The following SLC25A37 variants were observed in gnomAD, a reference collection of about 807,000 sequenced individuals.
SLC25A37 encodes the protein solute carrier family 25 member 37, also known as mitoferrin-1.
In SLC25A37, 17 loss-of-function variants were observed where a neutral mutation model predicts 31.0. The observed-to-expected ratio is 0.55, with a 90% CI of 0.38 to 0.82. The LOEUF is 0.82. SLC25A37 is among the 40% of genes least tolerant of loss of function. The pLI is 0.00. For synonymous variants in SLC25A37, 222 were observed against 193.0 expected (o/e 1.15, Z -1.24); for missense variants, 404 against 465.8 (o/e 0.87, Z 1.22).
At position 23,571,945 on chromosome 8, in the gene SLC25A37, T is replaced by TTC; in HGVS notation, c.*90_*91insTC. On this transcript the variant is annotated 3_prime_UTR_variant, in exon 4 of 4. Coordinates refer to ENST00000519973, the MANE Select transcript of SLC25A37 (RefSeq NM_016612.4). ...CCTCACACGTAGATCATTTTTTTTT[T>TTC]GCAGGGTGCTGCCTATGGGCCCTCT... 7.0e-7 allele frequency: 1 copy of TTC among 1,426,766 alleles called. No individual in the cohort carries two copies. The highest frequency in any genetic ancestry group is 9.5e-7 in the Non-Finnish European group (1 of 1,050,450). The allele number at this position is 1,426,766 out of a possible 1,614,324, so 88.4% of individuals were successfully genotyped here. A position where few individuals can be genotyped will look rare whatever the true frequency, so the allele number is the denominator to read the frequency against.
intron 1 of SLC25A37, among the ~76,000 whole-genome samples, chr8:23,564,247 C>T (rs1802590325): frequency 6.6e-6 from 1 of 152,032 alleles, no homozygotes. Context: ...ACCACTAATT[C>T]AGGTGATTGG....
At chr8:23,557,207 C>G (rs1192722562) in intron 1 of SLC25A37, among the ~76,000 whole-genome samples, 1 of 152,120 alleles carries the variant, frequency 6.6e-6, no homozygotes, top group Non-Finnish European at 1.5e-5. Flanking sequence ...CTATCCAAAG[C>G]CCTGTTAAGA....
intron 3 of SLC25A37, 42 bp from the exon 4 acceptor site, chr8:23,571,293 C>G: frequency 6.7e-7 from 1 of 1,492,660 alleles, no homozygotes; most frequent in Non-Finnish European, 8.9e-7. Context: ...ACCCACTGCC[C>G]ACTGGCTGTC....
intron 1 of SLC25A37, among the ~76,000 whole-genome samples, chr8:23,564,465 G>C (rs545204654): frequency 4.6e-4 from 70 of 151,192 alleles, no homozygotes; most frequent in African/African-American, 1.6e-3. Context: ...TGTGTGTTGG[G>C]GGGGAGTGGG....
At chr8:23,555,106 C>G (rs778807460) in intron 1 of SLC25A37, among the ~76,000 whole-genome samples, 1 of 152,176 alleles carries the variant, frequency 6.6e-6, no homozygotes, top group Non-Finnish European at 1.5e-5. Flanking sequence ...CTACCCTCAC[C>G]TGACTGCTGT....
intron 2 of SLC25A37, 87 bp downstream of exon 2, chr8:23,566,423 C>T (rs1802658866): frequency 3.3e-6 from 5 of 1,510,310 alleles, no homozygotes; most frequent in Non-Finnish European, 4.4e-6. Flanking sequence ...GACCCAGCCG[C>T]CTCGACTTCG....
chr8:23,534,702 T>G (rs1391748526), intron 1 of SLC25A37, among the ~76,000 whole-genome samples: 2 of 152,160 alleles, frequency 1.3e-5, no homozygotes, highest in Non-Finnish European at 2.9e-5. Flanking sequence ...TTCTTAACCT[T>G]TCTGTGCTAT....
intron 1 of SLC25A37, among the ~76,000 whole-genome samples, chr8:23,538,946 A>G (rs1801833472): frequency 6.6e-6 from 1 of 152,016 alleles, no homozygotes; most frequent in African/African-American, 2.4e-5. Flanking sequence ...CCTGCGAGAG[A>G]CAGTGGTCCT....
At chr8:23,543,138 A>C (rs1425250789) in intron 1 of SLC25A37, 1 of 151,892 alleles carries the variant, frequency 6.6e-6, no homozygotes, top group Admixed American at 6.6e-5. Flanking sequence ...TTGAGATCAT[A>C]GTTTACTGCA....
chr8:23,540,288 C>T (rs1362778920), intron 1 of SLC25A37, among the ~76,000 whole-genome samples: 2 of 152,144 alleles, frequency 1.3e-5, no homozygotes, highest in Non-Finnish European at 2.9e-5. Flanking sequence ...TGGAGCAAGC[C>T]AGTAGGATGT....
At chr8:23,568,537 G>A (rs573399084) in intron 3 of SLC25A37, 159 bp downstream of exon 3, 9 of 781,554 alleles carry the variant, frequency 1.2e-5, no homozygotes, top group African/African-American at 1.0e-4. Flanking sequence ...GTTATCAAAG[G>A]CCTCAAGAAA....
intron 2 of SLC25A37, chr8:23,568,075 C>A: frequency 1.8e-6 from 1 of 550,870 alleles, no homozygotes. Context: ...GGGTTGACTA[C>A]AAGAAAGAAA....
chr8:23,571,754 G>A lies in SLC25A37; in HGVS notation c.916G>A (p.Val306Ile), dbSNP rs1188917601. The A allele has an allele frequency of 6.2e-7, 1 of 1,614,042 alleles. No homozygotes were observed. The highest frequency in any genetic ancestry group is 1.1e-5 in the South Asian group (1 of 91,082). Residue 306 changes from valine (V) to isoleucine (I), a missense_variant, in exon 4 of 4, where the codon GTC (valine) becomes ATC (isoleucine). Transcript: ENST00000519973. ...AGYFKGIQAR[V>I]IYQMPSTAIS... ...CTACTTCAAAGGCATCCAGGCGCGT[G>A]TCATCTACCAGATGCCCTCCACCGC...
intron 3 of SLC25A37, 130 bp from the exon 4 acceptor site, chr8:23,571,205 C>T: frequency 2.7e-6 from 3 of 1,122,552 alleles, no homozygotes; most frequent in Non-Finnish European, 3.7e-6. Context: ...TGCTGGCTCT[C>T]GCCTGTTTCC....
chr8:23,567,956 G>A, intron 2 of SLC25A37: 3 of 333,922 alleles, frequency 9.0e-6, no homozygotes, highest in Non-Finnish European at 1.8e-5. Flanking sequence ...GTGAGTTAAT[G>A]TGTAGACAAA....
chr8:23,548,171 TTCTC>T (rs1350395733), intron 1 of SLC25A37, among the ~76,000 whole-genome samples: 5 of 152,192 alleles, frequency 3.3e-5, no homozygotes, highest in South Asian at 2.1e-4. Context: ...ACTTCATTTC[TTCTC>T]TCTTTCTTTC....
rs570544797 is a variant in SLC25A37 at position 23,568,012 on chromosome 8, A to G, written c.440-310A>G. 5.3e-4 allele frequency: 227 copies of G among 430,282 alleles called. 2 individuals carry two copies. Among genetic ancestry groups the G allele is most frequent in the Middle Eastern group, 3.5e-3 (5 of 1,416 alleles). The allele number at this position is 430,282 out of a possible 1,614,324, so 26.7% of individuals were successfully genotyped here. ...TAACATCTAGACAGTGGAAAAAGCC[A>G]TGGTGTGTGGTTTCTGGGAACCACC... is the stretch of plus-strand genomic sequence containing the variant. On this transcript the variant is annotated intron_variant, in intron 2 of 3. Coordinates refer to ENST00000519973, the MANE Select transcript of SLC25A37 (RefSeq NM_016612.4).
intron 1 of SLC25A37, among the ~76,000 whole-genome samples, chr8:23,560,205 C>T (rs1475587796): frequency 6.6e-6 from 1 of 152,132 alleles, no homozygotes; most frequent in African/African-American, 2.4e-5. Context: ...GAGGCTCAGG[C>T]TGCAGTGAGC....
chr8:23,566,691 A>C, intron 2 of SLC25A37: 2 of 1,005,582 alleles, frequency 2.0e-6, no homozygotes, highest in Non-Finnish European at 2.4e-6. Context: ...CCTGAATAGA[A>C]ACAAAACTTT....
Sources: gnomAD v4.1 joint callset for allele counts (sites outside exome capture counted in the v4.1 genomes callset) on GRCh38, gnomAD v4.1.1 for gene constraint, MANE v1.5 for transcripts, NCBI Gene and HGNC (gene_info 2026-07-23, HGNC 2026-07-21) for gene names.